The following MAPK10 variants were observed in gnomAD, a reference collection of about 807,000 sequenced individuals.
The protein encoded by MAPK10 is mitogen-activated protein kinase 10.
Under a neutral mutation model 59.3 loss-of-function variants are expected in MAPK10, and 25 were observed. The ratio of observed to expected loss-of-function variants is 0.42; its 90% CI spans 0.31 to 0.59. The LOEUF (loss-of-function observed/expected upper bound fraction) is 0.59, where lower values mean the gene tolerates loss of function less well. Among genes scored for constraint, MAPK10 ranks in the 20% least tolerant of loss-of-function variants. MAPK10 has a pLI of 0.15. For missense variants in MAPK10, 351 were observed against 568.9 expected, an observed-to-expected ratio of 0.62 and a Z score of 3.90; for synonymous variants, 190 against 200.5, an observed-to-expected ratio of 0.95 and a Z score of 0.44.
At chr4:86,163,808 T>C (rs1165316185) in intron 3 of MAPK10, among the ~76,000 whole-genome samples, 2 of 152,118 alleles carry the variant, frequency 1.3e-5, no homozygotes, top group Non-Finnish European at 2.9e-5. Flanking sequence ...CAGATCGACA[T>C]GTAAACAAAG....
At chr4:86,490,748 T>C (rs1754396209) in intron 1 of MAPK10, among the ~76,000 whole-genome samples, 1 of 152,156 alleles carries the variant, frequency 6.6e-6, no homozygotes, top group Non-Finnish European at 1.5e-5. Flanking sequence ...TATGCTCAAA[T>C]GAAAAGAAAG....
At chr4:86,389,455 A>G (rs962435727) in intron 1 of MAPK10, among the ~76,000 whole-genome samples, 5 of 152,256 alleles carry the variant, frequency 3.3e-5, no homozygotes, top group Non-Finnish European at 7.3e-5. Flanking sequence ...TCATGAGACA[A>G]TAAATTAGTA....
chr4:86,479,471 C>T (rs967237533), intron 1 of MAPK10, among the ~76,000 whole-genome samples: 8 of 129,276 alleles, frequency 6.2e-5, no homozygotes, highest in African/African-American at 2.2e-4. Context: ...CTGCACCCCC[C>T]ACCAAAAAAA....
chr4:86,561,158 T>C (rs971461038), intron 1 of MAPK10, among the ~76,000 whole-genome samples: 3 of 152,174 alleles, frequency 2.0e-5, no homozygotes, highest in African/African-American at 4.8e-5. Context: ...TTCATGCTCC[T>C]ATGAGAATCT....
intron 1 of MAPK10, among the ~76,000 whole-genome samples, chr4:86,466,409 T>C (rs1357199558): frequency 6.6e-6 from 1 of 152,182 alleles, no homozygotes; most frequent in Non-Finnish European, 1.5e-5. Flanking sequence ...CAAGAGTTCC[T>C]ATTATCTGGA....
intron 4 of MAPK10, chr4:86,158,978 A>G (rs2068686862): frequency 1.0e-5 from 2 of 194,958 alleles, no homozygotes; most frequent in African/African-American, 4.6e-5. Context: ...CTTGCTGTGC[A>G]ACAAATAAAA....
At chr4:86,425,114 T>G (rs1307695921) in intron 1 of MAPK10, among the ~76,000 whole-genome samples, 1 of 152,044 alleles carries the variant, frequency 6.6e-6, no homozygotes, top group African/African-American at 2.4e-5. Context: ...GTCTTGAAAG[T>G]CAAGCAAAGA....
intron 9 of MAPK10, among the ~76,000 whole-genome samples, chr4:86,096,055 A>G (rs2054164562): frequency 1.3e-5 from 2 of 151,666 alleles, no homozygotes; most frequent in South Asian, 4.1e-4. Flanking sequence ...ATTATCACAT[A>G]TGGCACTAGG....
chr4:86,358,436 G>T, intron 1 of MAPK10: 2 of 931,364 alleles, frequency 2.1e-6, no homozygotes, highest in Non-Finnish European at 2.6e-6. Context: ...CTTCCTTGCA[G>T]TTTGTTCATA....
At chr4:86,427,329 T>A (rs1396979811) in intron 1 of MAPK10, among the ~76,000 whole-genome samples, 2 of 151,884 alleles carry the variant, frequency 1.3e-5, no homozygotes, top group East Asian at 3.9e-4. Context: ...ATGCAGATTA[T>A]CTATGTCACT....
rs150094011 is a variant in MAPK10 at position 86,352,460 on chromosome 4, G to GT, written c.-7+2069dup. ...TCAGGTGATTGAGAGTATACATGCT[G>GT]TAACTCCAAATACATGGAGCTGAAG... On this transcript the variant is annotated intron_variant, in intron 2 of 13. Transcript: ENST00000641462. Among the ~76,000 whole-genome samples the GT allele has an allele frequency of 8.7e-3, 1,317 of 152,238 alleles. 24 individuals carry two copies. Among genetic ancestry groups the GT allele is most frequent in the African/African-American group, 0.03 (1,237 of 41,552 alleles).
intron 1 of MAPK10, among the ~76,000 whole-genome samples, chr4:86,499,492 A>G (rs1331115995): frequency 2.0e-5 from 3 of 152,206 alleles, no homozygotes; most frequent in Admixed American, 2.0e-4. Context: ...ACCCATAGGC[A>G]GTGCCTCCAG....
intron 2 of MAPK10, among the ~76,000 whole-genome samples, chr4:86,264,888 CT>C (rs397879051): frequency 0.082 from 7,816 of 95,212 alleles, 122 homozygotes; most frequent in South Asian, 0.088. Context: ...TGGCCCTGGA[CT>C]TTTTTTTTTT....
chr4:86,219,842 A>C (rs900063889), intron 2 of MAPK10: 2 of 152,184 alleles, frequency 1.3e-5, no homozygotes, highest in Non-Finnish European at 2.9e-5. Context: ...AGCAAGTTAT[A>C]GTTATGGGCT....
intron 1 of MAPK10, among the ~76,000 whole-genome samples, chr4:86,467,389 A>G (rs1752295485): frequency 1.3e-5 from 2 of 152,368 alleles, no homozygotes; most frequent in South Asian, 4.1e-4. Context: ...TCTACAGTGT[A>G]TATTTCTTTT....
At chr4:86,349,125 A>G (rs1729803334) in intron 2 of MAPK10, among the ~76,000 whole-genome samples, 1 of 152,256 alleles carries the variant, frequency 6.6e-6, no homozygotes, top group Non-Finnish European at 1.5e-5. Flanking sequence ...TCATCAAAAA[A>G]CAATGCTGTT....
At chr4:86,157,187 C>A (rs972975406) in intron 4 of MAPK10, among the ~76,000 whole-genome samples, 2 of 151,812 alleles carry the variant, frequency 1.3e-5, no homozygotes, top group Admixed American at 1.3e-4. Flanking sequence ...TGTAAAAACC[C>A]AATAACAAGT....
At chr4:86,544,448 G>A (rs1358630097) in intron 1 of MAPK10, among the ~76,000 whole-genome samples, 1 of 152,212 alleles carries the variant, frequency 6.6e-6, no homozygotes, top group Non-Finnish European at 1.5e-5. Context: ...AAATGGAGCA[G>A]TGTAGGAAGC....
intron 2 of MAPK10, among the ~76,000 whole-genome samples, chr4:86,200,478 T>C (rs1282894940): frequency 6.6e-6 from 1 of 152,032 alleles, no homozygotes; most frequent in Middle Eastern, 3.2e-3. Context: ...TCATCCACGT[T>C]ACTGTATTTA....
Sources: allele counts gnomAD v4.1 joint callset (sites outside exome capture counted in the v4.1 genomes callset), GRCh38; gene constraint gnomAD v4.1.1; transcripts MANE v1.5; gene names NCBI Gene and HGNC (gene_info 2026-07-23, HGNC 2026-07-21).